Variants in GAB2 observed in about 807,000 individuals in gnomAD.
The protein encoded by GAB2 is GRB2 associated binding protein 2.
In GAB2, 26 loss-of-function variants were observed where a neutral mutation model predicts 65.5. That is an observed-to-expected ratio of 0.40 (90% CI 0.29 to 0.55). The LOEUF is 0.55. GAB2 is among the 20% of genes least tolerant of loss of function. The probability of loss-of-function intolerance (pLI) is 0.53; values close to 1 mark genes in which losing one functional copy is unlikely to be tolerated. For synonymous variants in GAB2, 321 were observed against 329.6 expected (o/e 0.97, Z 0.28); for missense variants, 884 against 875.8 (o/e 1.01, Z -0.12).
At chr11:78,338,166 T>C (rs1000476750) in intron 1 of GAB2, among the ~76,000 whole-genome samples, 1 of 152,240 alleles carries the variant, frequency 6.6e-6, no homozygotes, top group African/African-American at 2.4e-5. Flanking sequence ...CAATGTTCAA[T>C]TCAATGCCAG....
intron 1 of GAB2, among the ~76,000 whole-genome samples, chr11:78,341,467 T>C (rs1357834279): frequency 3.9e-5 from 6 of 152,188 alleles, no homozygotes; most frequent in African/African-American, 1.4e-4. Context: ...ACCCTGGGAT[T>C]AAGGCTTAGG....
At position 78,255,113 on chromosome 11, in the gene GAB2, C is replaced by A. The variant is rs114014100; in HGVS notation, c.377-4713G>T. On this transcript the variant is annotated intron_variant, in intron 2 of 9. Transcript: ENST00000361507. ...AACTGGTATCCTTATAAAAGAGACA[C>A]AGAGACAGAGAAACACAAAGGCAGA... Among the ~76,000 whole-genome samples, 974 of 152,052 alleles carry A rather than the reference C, an allele frequency of 6.4e-3. 10 individuals are homozygous for A. Among genetic ancestry groups the A allele is most frequent in the African/African-American group, 0.022 (915 of 41,438 alleles).
rs1036716125 is a variant in GAB2 at position 78,377,351 on chromosome 11, G to A, written c.75+40295C>T. The stretch of plus-strand genomic sequence containing the variant: ...GTGTCCTCACATGGCAGAAAAAGGC[G>A]ACTGGATGGAAGTTCTCTTGTGTGT... On this transcript the variant is annotated intron_variant, in intron 1 of 9. Transcript: ENST00000361507. Among the ~76,000 whole-genome samples the A allele has an allele frequency of 9.2e-5, 14 of 152,248 alleles. 1 individual carries two copies. The highest frequency in any genetic ancestry group is 1.0e-4 in the Non-Finnish European group (7 of 68,028).
intron 2 of GAB2, among the ~76,000 whole-genome samples, chr11:78,254,035 T>TC (rs1865530369): frequency 6.6e-6 from 1 of 152,020 alleles, no homozygotes; most frequent in Non-Finnish European, 1.5e-5. Flanking sequence ...TGCAGCCCCT[T>TC]CCTTGAGCTC....
chr11:78,233,040 G>GTTTTTTTTTTTTTTTT lies in GAB2; in HGVS notation c.621-6005_621-5990dup, dbSNP rs372693456. On this transcript the variant is annotated intron_variant, in intron 3 of 9. Coordinates refer to ENST00000361507, the MANE Select transcript of GAB2 (RefSeq NM_080491.3). The stretch of plus-strand genomic sequence containing the variant: ...ACTTACCAATACCTGGCACTGTTAA[G>GTTTTTTTTTTTTTTTT]TTTTTTTTTTTTTTTTGGTGACAAG... 2.3e-3 allele frequency among the ~76,000 whole-genome samples: 303 copies of GTTTTTTTTTTTTTTTT among 131,892 alleles called. 23 individuals carry two copies. Among genetic ancestry groups the GTTTTTTTTTTTTTTTT allele is most frequent in the African/African-American group, 8.4e-3 (279 of 33,206 alleles). 86.5% of individuals were successfully genotyped at this position (131,892 alleles called of 152,430 possible).
chr11:78,247,906 C>G (rs1166220689), intron 3 of GAB2, among the ~76,000 whole-genome samples: 1 of 152,178 alleles, frequency 6.6e-6, no homozygotes, highest in African/African-American at 2.4e-5. Context: ...TCATTACCCT[C>G]TCATTCCCTC....
chr11:78,255,857 T>A (rs769571862), intron 2 of GAB2, among the ~76,000 whole-genome samples: 1 of 152,178 alleles, frequency 6.6e-6, no homozygotes, highest in Non-Finnish European at 1.5e-5. Context: ...AAACATTTCA[T>A]AGAACAAAAG....
In GAB2 at chr11:78,417,735, G is replaced by A. The variant is rs1857219222; in HGVS notation, c.-15C>T. On this transcript the variant is annotated 5_prime_UTR_variant, in exon 1 of 10. Transcript: ENST00000361507. ...CCGCCGCTCATGCTGCCGGCCTGGA[G>A]CCCCCCGCCGGGTCGCGCGGACGAG... 2 of 1,256,914 alleles carry A rather than the reference G, an allele frequency of 1.6e-6. No individual in the cohort carries two copies. The highest frequency in any genetic ancestry group is 2.0e-6 in the Non-Finnish European group (2 of 976,714). 77.9% of individuals were successfully genotyped at this position (1,256,914 alleles called of 1,614,324 possible).
At chr11:78,414,606 G>C (rs898024499) in intron 1 of GAB2, among the ~76,000 whole-genome samples, 1 of 152,120 alleles carries the variant, frequency 6.6e-6, no homozygotes, top group Non-Finnish European at 1.5e-5. Flanking sequence ...ACTGAGGCAC[G>C]ATGGGAGGGT....
Position 78,220,324 on chromosome 11 carries a change from G to A in GAB2, c.1882C>T (p.Arg628Cys), listed in dbSNP as rs374012460. Residue 628 changes from arginine (R) to cysteine (C), a missense_variant, in exon 9 of 10, where the codon CGC becomes TGC. Coordinates refer to ENST00000361507, the MANE Select transcript of GAB2 (RefSeq NM_080491.3). Reference protein sequence around the residue: ...DFQPSSPSPHRKPSTSSVTSD... With the variant: ...DFQPSSPSPHCKPSTSSVTSD... ...CCCAACTCTACTCCAGGCACCTTGC[G>A]GTGGGGGCTTGGGGAGCTCGGCTGG... 7.8e-5 allele frequency: 125 copies of A among 1,612,300 alleles called. No individual in the cohort carries two copies. The highest frequency in any genetic ancestry group is 3.7e-4 in the South Asian group (34 of 90,954).
At chr11:78,241,636 C>T (rs949513030) in intron 3 of GAB2, among the ~76,000 whole-genome samples, 1 of 150,406 alleles carries the variant, frequency 6.6e-6, no homozygotes, top group African/African-American at 2.4e-5. Flanking sequence ...AGAAATCTTG[C>T]AGCTGAAGAA....
chr11:78,364,011 C>T (rs970532093), intron 1 of GAB2: 1 of 152,090 alleles, frequency 6.6e-6, no homozygotes, highest in Non-Finnish European at 1.5e-5. Context: ...TTTATAAGCA[C>T]TTACTGTATG....
Position 78,341,806 on chromosome 11 carries a change from A to G in GAB2, c.76-60905T>C, listed in dbSNP as rs1856100313. On this transcript the variant is annotated intron_variant, in intron 1 of 9. Coordinates refer to ENST00000361507, the MANE Select transcript of GAB2 (RefSeq NM_080491.3). ...GTCTAATTCCCTCACTTGTCTCTCTATTGCTAGCCTCGCCTTTGTCTCAGT... is the reference window on the plus strand; with the variant it reads ...GTCTAATTCCCTCACTTGTCTCTCTGTTGCTAGCCTCGCCTTTGTCTCAGT... 5 of 985,780 alleles carry G rather than the reference A, an allele frequency of 5.1e-6. No individual in the cohort carries two copies. The African/African-American group carries it at 7.0e-5, about 14-fold the overall frequency. 61.1% of individuals were successfully genotyped at this position (985,780 alleles called of 1,614,324 possible).
intron 8 of GAB2, among the ~76,000 whole-genome samples, 194 bp from the exon 9 acceptor site, chr11:78,220,638 C>T (rs1171939441): frequency 6.6e-6 from 1 of 152,142 alleles, no homozygotes; most frequent in African/African-American, 2.4e-5. Context: ...ACTGTTGATA[C>T]TGTTTAAAGC....
intron 1 of GAB2, among the ~76,000 whole-genome samples, chr11:78,379,147 C>G (rs1457074177): frequency 6.6e-6 from 1 of 152,200 alleles, no homozygotes; most frequent in Non-Finnish European, 1.5e-5. Context: ...GTAACTCCTC[C>G]TGTTCACATT....
intron 1 of GAB2, among the ~76,000 whole-genome samples, chr11:78,386,263 C>A (rs1310826541): frequency 6.6e-6 from 1 of 152,186 alleles, no homozygotes; most frequent in Non-Finnish European, 1.5e-5. Flanking sequence ...GTGCCCCATT[C>A]TAGTTGCTTC....
chr11:78,351,973 G>A (rs1856285123), intron 1 of GAB2, among the ~76,000 whole-genome samples: 1 of 152,188 alleles, frequency 6.6e-6, no homozygotes, highest in Admixed American at 6.5e-5. Context: ...AGCACTTTGG[G>A]AGGCCGAAGT....
chr11:78,355,610 G>A (rs1161151872), intron 1 of GAB2, among the ~76,000 whole-genome samples: 1 of 145,986 alleles, frequency 6.8e-6, no homozygotes, highest in Non-Finnish European at 1.5e-5. Context: ...CCAGGAGTCC[G>A]AGGCTATAGT....
chr11:78,305,238 T>C (rs1020103686), intron 1 of GAB2, among the ~76,000 whole-genome samples: 1 of 152,242 alleles, frequency 6.6e-6, no homozygotes, highest in African/African-American at 2.4e-5. Context: ...TGGAAGTCTG[T>C]GGCAGAGCTG....
Sources: gnomAD v4.1 joint callset for allele counts (sites outside exome capture counted in the v4.1 genomes callset) on GRCh38, gnomAD v4.1.1 for gene constraint, MANE v1.5 for transcripts, NCBI Gene and HGNC (gene_info 2026-07-23, HGNC 2026-07-21) for gene names.